VAMP7: variants seen among roughly 807,000 people sequenced by gnomAD.
The protein encoded by VAMP7 is vesicle-associated membrane protein 7.
VAMP7 carries 14 observed loss-of-function variants against 29.6 expected under a neutral mutation model. That is an observed-to-expected ratio of 0.47 (90% CI 0.31 to 0.74). The LOEUF (loss-of-function observed/expected upper bound fraction) is 0.74. Among genes scored for constraint, VAMP7 ranks in the 30% least tolerant of loss-of-function variants. The pLI, the probability that VAMP7 is intolerant of heterozygous loss-of-function variation, is 0.05. For synonymous variants in VAMP7, 95 were observed against 88.1 expected, an observed-to-expected ratio of 1.08 and a Z score of -0.44; for missense variants, 223 against 262.4, an observed-to-expected ratio of 0.85 and a Z score of 1.04.
At chrX:155,900,727 T>C in intron 5 of VAMP7, 140 bp downstream of exon 5, 7 of 677,022 alleles carry the variant, frequency 1.0e-5, no homozygotes, top group Non-Finnish European at 1.3e-5. Flanking sequence ...GAGACAACTG[T>C]GATACTGTCT....
At chrX:155,928,836 G>A (rs992666798) in intron 6 of VAMP7, among the ~76,000 whole-genome samples, 2 of 152,150 alleles carry the variant, frequency 1.3e-5, no homozygotes, top group Admixed American at 6.6e-5. Flanking sequence ...AGTGGTGGAG[G>A]AATCTCCATT....
chrX:155,926,465 C>T (rs777724877), intron 6 of VAMP7, among the ~76,000 whole-genome samples: 7 of 152,314 alleles, frequency 4.6e-5, no homozygotes, highest in South Asian at 4.1e-4. Flanking sequence ...AACTTTTCTT[C>T]TGCACCTTCC....
intron 5 of VAMP7, among the ~76,000 whole-genome samples, chrX:155,902,246 T>C: frequency 6.6e-6 from 1 of 152,190 alleles, no homozygotes. Context: ...TGAAGTTGCT[T>C]ATCAGCTTAA....
chrX:155,907,946 A>G (rs1362004816), intron 5 of VAMP7, among the ~76,000 whole-genome samples: 2 of 151,536 alleles, frequency 1.3e-5, no homozygotes, highest in Non-Finnish European at 2.9e-5. Flanking sequence ...GGCGCTCCCC[A>G]CATCTCAGAC....
At chrX:155,939,676 T>G (rs772847906) in intron 6 of VAMP7, 25 bp from the exon 7 acceptor site, 7 of 1,568,576 alleles carry the variant, frequency 4.5e-6, no homozygotes, top group Middle Eastern at 1.7e-4. Flanking sequence ...TGCCAGGGGT[T>G]AAACAATTCT....
At chrX:155,933,298 C>G (rs1228303553) in intron 6 of VAMP7, among the ~76,000 whole-genome samples, 1 of 152,200 alleles carries the variant, frequency 6.6e-6, no homozygotes, top group African/African-American at 2.4e-5. Flanking sequence ...CTCCTTGTAC[C>G]TCTGGTAGAA....
At chrX:155,892,338 T>C (rs371973105) in intron 2 of VAMP7, among the ~76,000 whole-genome samples, 76 of 152,302 alleles carry the variant, frequency 5.0e-4, no homozygotes, top group African/African-American at 1.7e-3. Context: ...AGGGCAGTTC[T>C]GATCATATTC....
At chrX:155,900,944 G>C (rs2066052766) in intron 5 of VAMP7, among the ~76,000 whole-genome samples, 2 of 152,018 alleles carry the variant, frequency 1.3e-5, no homozygotes, top group Admixed American at 1.3e-4. Context: ...AGGTTCTTTA[G>C]CACAGTGTTA....
chrX:155,896,529 C>A (rs1167210609), intron 3 of VAMP7, among the ~76,000 whole-genome samples: 1 of 152,132 alleles, frequency 6.6e-6, no homozygotes, highest in Non-Finnish European at 1.5e-5. Flanking sequence ...TCATTAAGGT[C>A]CTTTCTCTTC....
rs762130844 is a variant in VAMP7 at position 155,917,044 on chromosome X, T to C, written c.434-2769T>C. Among the ~76,000 whole-genome samples the C allele has an allele frequency of 1.4e-3, 206 of 152,272 alleles. 3 individuals are homozygous for C. The highest frequency in any genetic ancestry group is 4.5e-3 in the African/African-American group (189 of 41,554). ...ATATAGTCCCATATGTCTTGGAGCC[T>C]TTGTTCATTCCTTTTCATTATTTTT... On this transcript the variant is annotated intron_variant, in intron 5 of 7. Coordinates refer to ENST00000286448, the MANE Select transcript of VAMP7 (RefSeq NM_005638.6).
intron 4 of VAMP7, among the ~76,000 whole-genome samples, chrX:155,899,556 A>ACC (rs2066033257): frequency 6.6e-6 from 1 of 151,672 alleles, no homozygotes; most frequent in Non-Finnish European, 1.5e-5. Context: ...ACACACACAC[A>ACC]CGCACACACA....
At chrX:155,913,921 G>C (rs1397331579) in intron 5 of VAMP7, among the ~76,000 whole-genome samples, 2 of 152,144 alleles carry the variant, frequency 1.3e-5, no homozygotes, top group East Asian at 3.9e-4. Context: ...AAAGTCAATG[G>C]TAGCTGGATG....
intron 3 of VAMP7, among the ~76,000 whole-genome samples, chrX:155,896,457 A>G (rs1023905823): frequency 7.2e-5 from 11 of 151,960 alleles, no homozygotes; most frequent in Non-Finnish European, 1.5e-4. Context: ...CCTGTAGTTT[A>G]CATTGGTTAG....
chrX:155,910,204 A>T (rs1354124754), intron 5 of VAMP7, among the ~76,000 whole-genome samples: 1 of 152,138 alleles, frequency 6.6e-6, no homozygotes, highest in African/African-American at 2.4e-5. Flanking sequence ...AGAACATGTG[A>T]TATTTGTCTT....
At chrX:155,932,989 A>G (rs2066587075) in intron 6 of VAMP7, among the ~76,000 whole-genome samples, 1 of 152,098 alleles carries the variant, frequency 6.6e-6, no homozygotes, top group Non-Finnish European at 1.5e-5. Flanking sequence ...GGTTCTGTTT[A>G]TATGCTGGAT....
At chrX:155,941,760 T>A in intron 7 of VAMP7, 123 bp from the exon 8 acceptor site, 2 of 1,170,828 alleles carry the variant, frequency 1.7e-6, no homozygotes, top group South Asian at 3.4e-5. Context: ...GTTCCATTAC[T>A]ACATAACTGC....
intron 5 of VAMP7, among the ~76,000 whole-genome samples, chrX:155,919,611 G>A: frequency 6.6e-6 from 1 of 152,244 alleles, no homozygotes; most frequent in Non-Finnish European, 1.5e-5. Context: ...AGTTGTTATG[G>A]AGGCTGTGGT....
At chrX:155,941,172 AAAAT>A (rs1282985077) in intron 7 of VAMP7, among the ~76,000 whole-genome samples, 1 of 152,078 alleles carries the variant, frequency 6.6e-6, no homozygotes, top group Non-Finnish European at 1.5e-5. Flanking sequence ...AAAAATAAAT[AAAAT>A]AAAGTGACTA....
chrX:155,920,900 A>T (rs2066386175), intron 6 of VAMP7, among the ~76,000 whole-genome samples: 1 of 152,172 alleles, frequency 6.6e-6, no homozygotes, highest in Non-Finnish European at 1.5e-5. Context: ...GTTTTCTAGG[A>T]GTTTATAAAC....
Sources: allele counts gnomAD v4.1 joint callset (sites outside exome capture counted in the v4.1 genomes callset), GRCh38; gene constraint gnomAD v4.1.1; transcripts MANE v1.5; gene names NCBI Gene and HGNC (gene_info 2026-07-23, HGNC 2026-07-21).